SUGCT: variants seen among roughly 807,000 people sequenced by gnomAD.
SUGCT encodes the protein succinyl-CoA:glutarate CoA-transferase.
SUGCT carries 41 observed loss-of-function variants against 55.0 expected under a neutral mutation model. The ratio of observed to expected loss-of-function variants is 0.74; its 90% CI spans 0.58 to 0.97. The LOEUF (loss-of-function observed/expected upper bound fraction) is 0.97, where lower values mean the gene tolerates loss of function less well. SUGCT is among the 50% of genes least tolerant of loss of function. The pLI is 0.00. For missense variants in SUGCT, 568 were observed against 547.8 expected (o/e 1.04, Z -0.37); for synonymous variants, 187 against 200.4 (o/e 0.93, Z 0.56).
At chr7:40,907,392 T>A in the SUGCT span, among the ~76,000 whole-genome samples, 5 of 152,190 alleles carry the variant, frequency 3.3e-5, no homozygotes, top group Non-Finnish European at 5.9e-5. Context: ...TGATTCTAAT[T>A]GCAAGGCAAG....
chr7:40,872,585 T>C, the SUGCT span, among the ~76,000 whole-genome samples: 1 of 152,220 alleles, frequency 6.6e-6, no homozygotes, highest in Admixed American at 6.5e-5. Context: ...TTTACTCTGA[T>C]GAGTCAGGGG....
At chr7:40,403,509 C>T (rs1231848857) in intron 9 of SUGCT, among the ~76,000 whole-genome samples, 2 of 151,956 alleles carry the variant, frequency 1.3e-5, no homozygotes, top group African/African-American at 4.8e-5. Context: ...ACGGGAATAA[C>T]GGGAATAAGA....
chr7:40,573,617 G>T (rs2151694096), intron 12 of SUGCT, among the ~76,000 whole-genome samples: 1 of 152,340 alleles, frequency 6.6e-6, no homozygotes, highest in South Asian at 2.1e-4. Flanking sequence ...AGCAGCAGCA[G>T]ATTCTTCACT....
chr7:40,690,492 TA>T (rs1340836441), intron 12 of SUGCT, among the ~76,000 whole-genome samples: 3 of 152,208 alleles, frequency 2.0e-5, no homozygotes, highest in Non-Finnish European at 4.4e-5. Flanking sequence ...GTTAATTATT[TA>T]AAAACTACTT....
At chr7:40,621,430 A>G (rs1347361974) in intron 12 of SUGCT, among the ~76,000 whole-genome samples, 1 of 152,166 alleles carries the variant, frequency 6.6e-6, no homozygotes, top group African/African-American at 2.4e-5. Flanking sequence ...TTGAGGCTTG[A>G]ACGCACAAAG....
At chr7:40,639,429 T>C (rs1484306904) in intron 12 of SUGCT, among the ~76,000 whole-genome samples, 1 of 152,166 alleles carries the variant, frequency 6.6e-6, no homozygotes, top group East Asian at 1.9e-4. Flanking sequence ...TTATCAAATA[T>C]CTAACTTGAG....
In SUGCT at chr7:40,245,259, G is replaced by A. The variant is rs557166905; in HGVS notation, c.576+7533G>A. 1.1e-4 allele frequency among the ~76,000 whole-genome samples: 16 copies of A among 148,334 alleles called. No individual in the cohort carries two copies. In the South Asian group the frequency reaches 2.2e-3, roughly 20 times the overall value. On this transcript the variant is annotated intron_variant, in intron 7 of 13. Coordinates refer to ENST00000335693, the MANE Select transcript of SUGCT (RefSeq NM_001193313.2). ...TTTTTAGTAGAGATGGGGTTTCACC[G>A]TGTTGGCCAGGCTGGTTTCAAACTC...
At chr7:40,952,735 A>G in the SUGCT span, among the ~76,000 whole-genome samples, 1 of 152,154 alleles carries the variant, frequency 6.6e-6, no homozygotes, top group African/African-American at 2.4e-5. Context: ...CTGGATATGA[A>G]ATTCTGGATT....
intron 12 of SUGCT, among the ~76,000 whole-genome samples, chr7:40,692,636 C>T (rs778576249): frequency 5.9e-5 from 9 of 152,124 alleles, no homozygotes; most frequent in Non-Finnish European, 1.2e-4. Context: ...AGGAACAGTT[C>T]ATAGAGCCTG....
At chr7:40,596,934 A>T (rs1157258397) in intron 12 of SUGCT, among the ~76,000 whole-genome samples, 1 of 152,214 alleles carries the variant, frequency 6.6e-6, no homozygotes, top group Non-Finnish European at 1.5e-5. Context: ...CCATGAGATC[A>T]AGTATCATGT....
At chr7:40,258,511 T>G (rs2150955508) in intron 7 of SUGCT, among the ~76,000 whole-genome samples, 1 of 152,274 alleles carries the variant, frequency 6.6e-6, no homozygotes, top group South Asian at 2.1e-4. Context: ...CCTGAGTAGC[T>G]GGGATTACAG....
chr7:40,907,083 T>C, the SUGCT span, among the ~76,000 whole-genome samples: 2 of 149,852 alleles, frequency 1.3e-5, no homozygotes, highest in African/African-American at 5.0e-5. Context: ...TTAGGAGAAA[T>C]ATTTGTTCTG....
At chr7:40,672,355 G>A (rs1388031708) in intron 12 of SUGCT, among the ~76,000 whole-genome samples, 1 of 152,156 alleles carries the variant, frequency 6.6e-6, no homozygotes, top group Non-Finnish European at 1.5e-5. Context: ...ATTAAGAGAT[G>A]AAAAGACAAG....
At chr7:40,635,276 ACT>A (rs1338611506) in intron 12 of SUGCT, among the ~76,000 whole-genome samples, 2 of 151,946 alleles carry the variant, frequency 1.3e-5, no homozygotes, top group African/African-American at 4.8e-5. Flanking sequence ...ACAGAGCAAG[ACT>A]CTGTCTCCAA....
At chr7:40,878,482 T>C in the SUGCT span, among the ~76,000 whole-genome samples, 1 of 152,202 alleles carries the variant, frequency 6.6e-6, no homozygotes, top group African/African-American at 2.4e-5. Flanking sequence ...AGGAGCTGAC[T>C]ATTGGGCTGA....
intron 1 of SUGCT, among the ~76,000 whole-genome samples, chr7:40,138,221 C>A (rs1477027474): frequency 6.6e-6 from 1 of 152,112 alleles, no homozygotes; most frequent in East Asian, 1.9e-4. Context: ...TATTTACCAC[C>A]AACTTATAAG....
the SUGCT span, among the ~76,000 whole-genome samples, chr7:40,927,032 C>CA: frequency 6.6e-6 from 1 of 152,040 alleles, no homozygotes; most frequent in Non-Finnish European, 1.5e-5. Flanking sequence ...GGATCATGTT[C>CA]AAAATCTCAA....
intron 7 of SUGCT, among the ~76,000 whole-genome samples, chr7:40,266,844 A>T (rs1183978034): frequency 6.6e-6 from 1 of 151,926 alleles, no homozygotes; most frequent in Non-Finnish European, 1.5e-5. Context: ...GTGAAACCCC[A>T]TCTCTACTAA....
intron 12 of SUGCT, among the ~76,000 whole-genome samples, chr7:40,688,001 G>C (rs540563969): frequency 3.1e-4 from 47 of 152,164 alleles, no homozygotes; most frequent in Non-Finnish European, 5.6e-4. Flanking sequence ...CATGGAAGCA[G>C]TTTGTTAATT....
Sources: allele counts gnomAD v4.1 joint callset (sites outside exome capture counted in the v4.1 genomes callset), GRCh38; gene constraint gnomAD v4.1.1; transcripts MANE v1.5; gene names NCBI Gene and HGNC (gene_info 2026-07-23, HGNC 2026-07-21).